Variants in EVA1A observed in about 807,000 individuals in gnomAD.
The protein encoded by EVA1A is eva-1 homolog A, regulator of programmed cell death.
EVA1A carries 7 observed loss-of-function variants against 9.8 expected under a neutral mutation model. That is an observed-to-expected ratio of 0.71 (90% confidence interval 0.41 to 1.34). EVA1A has a LOEUF of 1.34. EVA1A is among the 40% of genes most tolerant of loss of function. The pLI is 0.01. For synonymous variants in EVA1A, 90 were observed against 85.6 expected (o/e 1.05, Z -0.28); for missense variants, 206 against 205.9 (o/e 1.00, Z 0.00).
chr2:75,506,309 C>T (rs1430249168), intron 3 of EVA1A, among the ~76,000 whole-genome samples: 1 of 152,210 alleles, frequency 6.6e-6, no homozygotes, highest in Non-Finnish European at 1.5e-5. Context: ...AAACAGGATA[C>T]ATACTATTAT....
intron 3 of EVA1A, among the ~76,000 whole-genome samples, chr2:75,501,025 A>G (rs1674399314): frequency 7.7e-6 from 1 of 130,396 alleles, no homozygotes; most frequent in African/African-American, 3.4e-5. Flanking sequence ...TTACTTTTAC[A>G]AAAAAAAAAA....
At chr2:75,517,488 G>T (rs1572959993) in intron 3 of EVA1A, among the ~76,000 whole-genome samples, 1 of 152,150 alleles carries the variant, frequency 6.6e-6, no homozygotes, top group South Asian at 2.1e-4. Flanking sequence ...TTCAAGAAAT[G>T]ATCTTGAGGA....
At chr2:75,558,562 C>T (rs1241508740) in intron 1 of EVA1A, 1 of 152,312 alleles carries the variant, frequency 6.6e-6, no homozygotes, top group Admixed American at 6.5e-5. Context: ...TTTCCCCCAA[C>T]CTGGGGCAGG....
intron 3 of EVA1A, among the ~76,000 whole-genome samples, chr2:75,496,280 A>C (rs1475841137): frequency 6.6e-6 from 1 of 152,210 alleles, no homozygotes; most frequent in Non-Finnish European, 1.5e-5. Flanking sequence ...CTATACCCAG[A>C]AAACCCTAAA....
intron 3 of EVA1A, among the ~76,000 whole-genome samples, chr2:75,500,985 T>C (rs765392328): frequency 6.6e-6 from 1 of 151,952 alleles, no homozygotes; most frequent in Non-Finnish European, 1.5e-5. Flanking sequence ...AAGGCAACAT[T>C]TTAAGATCTG....
chr2:75,529,926 C>T (rs1675583583), intron 1 of EVA1A, among the ~76,000 whole-genome samples: 1 of 151,662 alleles, frequency 6.6e-6, no homozygotes, highest in African/African-American at 2.4e-5. Context: ...TTGAAATAAA[C>T]AAAAAACAAT....
At chr2:75,523,506 A>C (rs1394093991) in intron 1 of EVA1A, among the ~76,000 whole-genome samples, 3 of 152,172 alleles carry the variant, frequency 2.0e-5, no homozygotes, top group African/African-American at 4.8e-5. Flanking sequence ...CAGAGAAATA[A>C]CTGAGCTGAG....
At chr2:75,534,306 T>C (rs1675795794) in intron 1 of EVA1A, among the ~76,000 whole-genome samples, 1 of 151,870 alleles carries the variant, frequency 6.6e-6, no homozygotes, top group East Asian at 1.9e-4. Context: ...AAGACCCACT[T>C]TGGAGTAGGG....
chr2:75,533,333 C>A (rs1302747403), intron 1 of EVA1A, among the ~76,000 whole-genome samples: 1 of 152,106 alleles, frequency 6.6e-6, no homozygotes, highest in Non-Finnish European at 1.5e-5. Flanking sequence ...ATGTATGTTT[C>A]AGCGGCTGAA....
At chr2:75,554,601 G>A (rs544236216) in intron 1 of EVA1A, among the ~76,000 whole-genome samples, 32 of 152,322 alleles carry the variant, frequency 2.1e-4, no homozygotes, top group Non-Finnish European at 2.5e-4. Context: ...TCAGAGTTTG[G>A]TGCCCTGGAC....
chr2:75,496,077 T>C (rs1674201240), intron 3 of EVA1A, among the ~76,000 whole-genome samples: 1 of 152,194 alleles, frequency 6.6e-6, no homozygotes, highest in Non-Finnish European at 1.5e-5. Flanking sequence ...AGGTGTCATA[T>C]ATTACACAAG....
chr2:75,507,690 A>G (rs1386133674), intron 3 of EVA1A, among the ~76,000 whole-genome samples: 1 of 152,160 alleles, frequency 6.6e-6, no homozygotes, highest in Admixed American at 6.5e-5. Flanking sequence ...TCCACCATCC[A>G]GACAGCCCAA....
upstream of EVA1A, among the ~76,000 whole-genome samples, chr2:75,563,037 T>G (rs1243132958): frequency 2.6e-5 from 4 of 152,200 alleles, no homozygotes; most frequent in Non-Finnish European, 5.9e-5. Flanking sequence ...CCAATCTACC[T>G]TTGGATTTAA....
intron 1 of EVA1A, among the ~76,000 whole-genome samples, chr2:75,539,160 A>G (rs938307750): frequency 7.9e-5 from 12 of 152,356 alleles, no homozygotes; most frequent in African/African-American, 2.9e-4. Context: ...TTGATCTAAA[A>G]GTTCAACCAG....
At chr2:75,518,842 T>C (rs987413729) in intron 2 of EVA1A, 2 of 985,366 alleles carry the variant, frequency 2.0e-6, no homozygotes, top group African/African-American at 3.5e-5. Flanking sequence ...TCACTAAATG[T>C]GTGCCTTTGG....
intron 3 of EVA1A, among the ~76,000 whole-genome samples, chr2:75,506,515 C>T (rs17727191): frequency 0.064 from 9,683 of 152,222 alleles, 418 homozygotes; most frequent in Middle Eastern, 0.16. Context: ...ATTTCTCAGC[C>T]CATGCAGGAA....
At chr2:75,525,559 A>C (rs1313064104) in intron 1 of EVA1A, among the ~76,000 whole-genome samples, 2 of 152,190 alleles carry the variant, frequency 1.3e-5, no homozygotes, top group East Asian at 3.8e-4. Context: ...CTTGTGTTCC[A>C]TCCTTCTGCA....
intron 3 of EVA1A, among the ~76,000 whole-genome samples, chr2:75,516,180 T>G (rs953578866): frequency 6.6e-6 from 1 of 152,268 alleles, no homozygotes; most frequent in African/African-American, 2.4e-5. Context: ...CATCATTGCT[T>G]CCAATCCATT....
chr2:75,510,270 T>C (rs1191255557), intron 3 of EVA1A, among the ~76,000 whole-genome samples: 1 of 152,170 alleles, frequency 6.6e-6, no homozygotes, highest in African/African-American at 2.4e-5. Flanking sequence ...AATAAAAAGT[T>C]AAATATTAAA....
Sources: allele counts gnomAD v4.1 joint callset (sites outside exome capture counted in the v4.1 genomes callset), GRCh38; gene constraint gnomAD v4.1.1; transcripts MANE v1.5; gene names NCBI Gene and HGNC (gene_info 2026-07-23, HGNC 2026-07-21).